Variants in IKZF2 observed in about 807,000 individuals in gnomAD.
The protein encoded by IKZF2 is IKAROS family zinc finger 2.
In IKZF2, 15 loss-of-function variants were observed where a neutral mutation model predicts 49.2. The observed-to-expected ratio is 0.30, with a 90% CI of 0.20 to 0.47. The LOEUF (loss-of-function observed/expected upper bound fraction) is 0.47, where lower values mean the gene tolerates loss of function less well. Among genes scored for constraint, IKZF2 ranks in the 20% least tolerant of loss-of-function variants. The probability of loss-of-function intolerance (pLI) is 1.00; values close to 1 mark genes in which losing one functional copy is unlikely to be tolerated. For missense variants in IKZF2, 567 were observed against 664.6 expected (o/e 0.85, Z 1.61); for synonymous variants, 227 against 221.4 (o/e 1.03, Z -0.23).
intron 2 of IKZF2, among the ~76,000 whole-genome samples, chr2:213,149,927 G>A (rs2061222694): frequency 6.6e-6 from 1 of 152,104 alleles, no homozygotes; most frequent in Non-Finnish European, 1.5e-5. Flanking sequence ...TTTAAAGAAA[G>A]AGATCCGTAA....
In IKZF2 at chr2:213,016,279, T is replaced by C. The variant is rs553720138; in HGVS notation, c.713-2345A>G. Among the ~76,000 whole-genome samples, 43 of 152,278 alleles carry C rather than the reference T, an allele frequency of 2.8e-4. No individual in the cohort carries two copies. The South Asian group carries it at 8.9e-3, about 32-fold the overall frequency. The stretch of plus-strand genomic sequence containing the variant: ...AACAGAAAGACCCAGAGATGTTAAG[T>C]AATTTCCTCAGGGTTTACATCTAGT... On this transcript the variant is annotated intron_variant, in intron 7 of 8. Coordinates refer to ENST00000434687, the MANE Select transcript of IKZF2 (RefSeq NM_001387220.1).
At chr2:213,129,812 G>A (rs542493160) in intron 4 of IKZF2, among the ~76,000 whole-genome samples, 1 of 152,150 alleles carries the variant, frequency 6.6e-6, no homozygotes, top group Non-Finnish European at 1.5e-5. Flanking sequence ...TTACAGTAGC[G>A]GGCCTGGTGA....
At chr2:213,053,939 G>A (rs544793117) in intron 5 of IKZF2, among the ~76,000 whole-genome samples, 1 of 152,248 alleles carries the variant, frequency 6.6e-6, no homozygotes, top group East Asian at 1.9e-4. Flanking sequence ...GGATGGTTGT[G>A]CATCTTTTTT....
At position 213,145,142 on chromosome 2, in the gene IKZF2, C is replaced by T. The variant is rs900311864; in HGVS notation, c.139+2566G>A. Among the ~76,000 whole-genome samples, 7 of 149,480 alleles carry T rather than the reference C, an allele frequency of 4.7e-5. No individual in the cohort carries two copies. The South Asian group carries it at 8.4e-4, about 18-fold the overall frequency. On this transcript the variant is annotated intron_variant, in intron 4 of 8. Coordinates refer to ENST00000434687, the MANE Select transcript of IKZF2 (RefSeq NM_001387220.1). ...AGTGAGCTCTCATGCCTTATTGATA[C>T]TTTTCTGGCCAGAATGTTAGCTGTT...
Position 213,057,064 on chromosome 2 carries a change from C to G in IKZF2, c.175G>C (p.Glu59Gln), listed in dbSNP as rs763208731. 6.2e-7 allele frequency: 1 copy of G among 1,613,686 alleles called. No homozygotes were observed. The highest frequency in any genetic ancestry group is 1.1e-5 in the South Asian group (1 of 91,034). ...CGGCTCAGGGGTTTCCTGTCACACT[C>G]TTCATCACTCTGCATTTCTAGCTTT... ...SVKLEMQSDE[E>Q]CDRKPLSRED... The change falls in exon 5 of 9, where the codon GAG becomes CAG. Residue 59 changes from glutamate (E) to glutamine (Q), a missense_variant. Glu to Gln is a conservative substitution (Grantham distance 29, BLOSUM62 2). This residue lies in a region of IKZF2 where 156 missense variants were observed against 138.5 expected (regional missense o/e 1.13). Coordinates refer to ENST00000434687, the MANE Select transcript of IKZF2 (RefSeq NM_001387220.1).
intron 6 of IKZF2, among the ~76,000 whole-genome samples, chr2:213,038,068 T>C (rs1233281265): frequency 6.6e-6 from 1 of 152,038 alleles, no homozygotes; most frequent in Non-Finnish European, 1.5e-5. Context: ...TTTTCTTTTC[T>C]TTTCTTTTTT....
intron 4 of IKZF2, among the ~76,000 whole-genome samples, chr2:213,122,137 T>C (rs1462698557): frequency 6.6e-6 from 1 of 152,224 alleles, no homozygotes; most frequent in African/African-American, 2.4e-5. Context: ...AATAAAATTA[T>C]GCATATATGC....
At chr2:213,151,976 C>T (rs1180650472), upstream of IKZF2, 1 of 151,844 alleles carries the variant, frequency 6.6e-6, no homozygotes, top group East Asian at 1.9e-4. Context: ...GCGCGCACTC[C>T]CTCGCGCCCA....
chr2:213,053,866 G>A (rs1700901586), intron 5 of IKZF2, among the ~76,000 whole-genome samples: 2 of 152,184 alleles, frequency 1.3e-5, no homozygotes, highest in South Asian at 4.1e-4. Flanking sequence ...TACTTTAGTA[G>A]AGTATGACAG....
At chr2:213,022,633 G>C (rs2125116070) in intron 6 of IKZF2, among the ~76,000 whole-genome samples, 1 of 152,234 alleles carries the variant, frequency 6.6e-6, no homozygotes, top group East Asian at 1.9e-4. Flanking sequence ...AAGAACTCAA[G>C]TGGTGAGAAA....
chr2:213,037,515 T>C (rs1290311936), intron 6 of IKZF2, among the ~76,000 whole-genome samples: 1 of 152,190 alleles, frequency 6.6e-6, no homozygotes, highest in Non-Finnish European at 1.5e-5. Context: ...GGAAATCAAA[T>C]GGGCTGTCTT....
At chr2:213,053,991 G>A (rs1431107513) in intron 5 of IKZF2, among the ~76,000 whole-genome samples, 5 of 152,062 alleles carry the variant, frequency 3.3e-5, no homozygotes, top group Non-Finnish European at 7.4e-5. Flanking sequence ...GGTGGCTCAC[G>A]CCTGTAATCC....
At chr2:213,125,272 G>A (rs1317022686) in intron 4 of IKZF2, among the ~76,000 whole-genome samples, 2 of 152,038 alleles carry the variant, frequency 1.3e-5, no homozygotes, top group Admixed American at 6.6e-5. Flanking sequence ...CATGAATCAC[G>A]AATAAAATCT....
chr2:213,077,171 C>A (rs1232408932), intron 4 of IKZF2, among the ~76,000 whole-genome samples: 1 of 152,156 alleles, frequency 6.6e-6, no homozygotes, highest in African/African-American at 2.4e-5. Flanking sequence ...TCTACATTTA[C>A]AGAATTCTAA....
rs1694905440 is a variant in IKZF2, at chr2:213,001,536, C to T, written c.*5824G>A. 6.6e-6 allele frequency: 1 copy of T among 151,322 alleles called. No homozygotes were observed. The highest frequency in any genetic ancestry group is 2.4e-5 in the African/African-American group (1 of 41,342). The allele number at this position is 151,322 out of a possible 1,614,324, so 9.4% of individuals were successfully genotyped here. On this transcript the variant is annotated 3_prime_UTR_variant, in exon 9 of 9. Transcript: ENST00000434687. ...GGTTACATAGCTTACTATTTTTAATCCAACCACTTTTCTTTTTAATAGAAA... is the reference window on the plus strand; with the variant it reads ...GGTTACATAGCTTACTATTTTTAATTCAACCACTTTTCTTTTTAATAGAAA...
chr2:213,051,816 C>T (rs536781804), intron 5 of IKZF2, among the ~76,000 whole-genome samples: 15 of 152,024 alleles, frequency 9.9e-5, no homozygotes, highest in Non-Finnish European at 2.1e-4. Context: ...AATATGTCTA[C>T]GTAAGGTTTC....
At chr2:213,146,846 C>A (rs1413830410) in intron 4 of IKZF2, among the ~76,000 whole-genome samples, 1 of 149,976 alleles carries the variant, frequency 6.7e-6, no homozygotes, top group Non-Finnish European at 1.5e-5. Context: ...ACATGTAAGT[C>A]CAATGTCCTT....
chr2:213,088,381 A>G (rs1194689850), intron 4 of IKZF2, among the ~76,000 whole-genome samples: 28 of 152,058 alleles, frequency 1.8e-4, no homozygotes, highest in Admixed American at 1.8e-3. Context: ...AAATTTGTTT[A>G]AGTTCTTTGT....
chr2:213,132,145 T>C (rs1009134712), intron 4 of IKZF2, among the ~76,000 whole-genome samples: 2 of 152,162 alleles, frequency 1.3e-5, no homozygotes, highest in African/African-American at 4.8e-5. Flanking sequence ...ATAGGAAAGA[T>C]ACTATCCCAG....
Sources: gnomAD v4.1 joint callset for allele counts (sites outside exome capture counted in the v4.1 genomes callset) on GRCh38, gnomAD v4.1.1 for gene constraint, gnomAD v4.1.1 regional missense constraint, MANE v1.5 for transcripts, NCBI Gene and HGNC (gene_info 2026-07-23, HGNC 2026-07-21) for gene names.